DCTN1: variants seen among roughly 807,000 people sequenced by gnomAD.
The protein encoded by DCTN1 is 150 kDa dynein-associated polypeptide.
Under a neutral mutation model 161.2 loss-of-function variants are expected in DCTN1, and 61 were observed. That is an observed-to-expected ratio of 0.38 (90% CI 0.31 to 0.47). DCTN1 has a LOEUF of 0.47. DCTN1 is among the 20% of genes least tolerant of loss of function. DCTN1 has a pLI of 0.99. For missense variants in DCTN1, 1,404 were observed against 1,623.7 expected, an observed-to-expected ratio of 0.86 and a Z score of 2.33; for synonymous variants, 653 against 632.4, an observed-to-expected ratio of 1.03 and a Z score of -0.49.
At chr2:74,368,262 CT>C in intron 16 of DCTN1, 131 bp from the exon 17 acceptor site, 1 of 1,256,314 alleles carries the variant, frequency 8.0e-7, no homozygotes, top group African/African-American at 1.5e-5. Flanking sequence ...AGAAATAGCT[CT>C]TACCTGGGTG....
intron 30 of DCTN1, 150 bp from the exon 31 acceptor site, chr2:74,362,291 T>C (rs892923510): frequency 2.9e-6 from 2 of 699,002 alleles, no homozygotes. Flanking sequence ...TCCAACCCCA[T>C]CCCCACACCA....
upstream of DCTN1, chr2:74,384,938 A>T (rs1675664721): frequency 2.6e-5 from 4 of 152,252 alleles, no homozygotes. Context: ...AGGTCTGCTT[A>T]CTGAGTGGTA....
rs765406142 is a variant in DCTN1 at position 74,363,160 on chromosome 2, T to C, written c.3363A>G (p.Ala1121=). The C allele has an allele frequency of 2.5e-6, 4 of 1,614,118 alleles. No individual in the cohort carries two copies. The highest frequency in any genetic ancestry group is 3.4e-6 in the Non-Finnish European group (4 of 1,180,016). ...GCAGAGGGGGCAGGGATGCCAAGGA[T>C]GCCTTCATCTGGGCTCCCTGTGGAT... ...NSILKGAQMK[A]SLASLPPLHV... is the part of the protein sequence containing the mutation. Residue 1121 remains alanine, a synonymous_variant, in exon 29 of 32, where the codon GCA becomes GCG. Coordinates refer to ENST00000628224, the MANE Select transcript of DCTN1 (RefSeq NM_004082.5).
At position 74,365,967 on chromosome 2, in the gene DCTN1, C is replaced by A. The variant is rs924086052; in HGVS notation, c.2812G>T (p.Ala938Ser). 1.2e-6 allele frequency: 2 copies of A among 1,614,136 alleles called. No individual in the cohort carries two copies. Among genetic ancestry groups the A allele is most frequent in the Non-Finnish European group, 1.7e-6 (2 of 1,180,052 alleles). ...AAALRAEITDAEGLGLKLEDR... is the reference protein window; with the variant it reads ...AAALRAEITDSEGLGLKLEDR... ...TCGAGCTTCAAACCCAGGCCTTCAG[C>A]ATCTGTGATCTCTGCACGAAGGGCA... The change falls in exon 24 of 32, where the codon GCT becomes TCT. Residue 938 changes from alanine to serine, a missense_variant. Coordinates refer to ENST00000628224, the MANE Select transcript of DCTN1 (RefSeq NM_004082.5).
intron 31 of DCTN1, among the ~76,000 whole-genome samples, 177 bp from the exon 32 acceptor site, chr2:74,361,813 G>A (rs1369334815): frequency 6.6e-6 from 1 of 152,196 alleles, no homozygotes; most frequent in Non-Finnish European, 1.5e-5. Context: ...AATCTGACAA[G>A]GGAGTTTTGA....
intron 6 of DCTN1, 127 bp from the exon 7 acceptor site, chr2:74,373,075 C>T (rs1294117859): frequency 2.4e-6 from 2 of 825,056 alleles, no homozygotes; most frequent in Non-Finnish European, 4.1e-6. Context: ...CAGTTAGCCA[C>T]CCTCCCCCCC....
At position 74,368,893 on chromosome 2, in the gene DCTN1, C is replaced by G; in HGVS notation, c.1702-13G>C. ...CCATCTCAATTGCCTGTGAGGTGAA[C>G]AGGGAGGAGGACTCTTAGCCAGAGC... On this transcript the variant is annotated splice_polypyrimidine_tract_variant and intron_variant, in intron 15 of 31. Transcript: ENST00000628224. 6.2e-7 allele frequency: 1 copy of G among 1,614,182 alleles called. No homozygotes were observed. Among genetic ancestry groups the G allele is most frequent in the Non-Finnish European group, 8.5e-7 (1 of 1,179,994 alleles).
chr2:74,390,911 A>G (rs1355870080), intron 1 of DCTN1, among the ~76,000 whole-genome samples: 1 of 152,202 alleles, frequency 6.6e-6, no homozygotes, highest in Non-Finnish European at 1.5e-5. Context: ...CCCAAGAATA[A>G]CAGTATATCC....
chr2:74,370,814 C>A lies in DCTN1; in HGVS notation c.855G>T (p.Glu285Asp). 6.2e-7 allele frequency: 1 copy of A among 1,614,242 alleles called. No homozygotes were observed. ...RLKEARKEAK[E>D]ALEAKERYME... ...TATAGCGTTCCTTTGCCTCCAGCGCCTCCTTGGCTTCCTGAGGAAGAAGTG... is the reference window on the plus strand; with the variant it reads ...TATAGCGTTCCTTTGCCTCCAGCGCATCCTTGGCTTCCTGAGGAAGAAGTG... The change falls in exon 10 of 32, where the codon GAG (glutamate) becomes GAT (aspartate). Residue 285 changes from glutamate to aspartate, a missense_variant. This residue lies in a region of DCTN1 where 67 missense variants were observed against 116.3 expected (regional missense o/e 0.58). Transcript: ENST00000628224. The surrounding 1 kb of genome is among the most constrained non-coding windows in gnomAD (Gnocchi z 4.4).
chr2:74,368,658 A>T (rs1428405845), intron 16 of DCTN1, 70 bp downstream of exon 16: 1 of 1,608,268 alleles, frequency 6.2e-7, no homozygotes. Context: ...GTCTTCACTC[A>T]GCATCTTCAA....
chr2:74,368,201 T>A, intron 16 of DCTN1, 70 bp from the exon 17 acceptor site: 1 of 1,540,538 alleles, frequency 6.5e-7, no homozygotes, highest in Non-Finnish European at 8.8e-7. Flanking sequence ...AGGAATATAG[T>A]ACTCAGAGCT....
chr2:74,370,672 C>CCACCCGCTCCTT lies in DCTN1; in HGVS notation c.985_996dup (p.Lys329_Val332dup). The stretch of plus-strand genomic sequence containing the variant: ...ATCTCTAAGTCAGTAGTGAGCTCGT[C>CCACCCGCTCCTT]CACCCGCTCCTTCAGTGCCTCCACC... On this transcript the variant is annotated inframe_insertion, in exon 10 of 32. Transcript: ENST00000628224. The surrounding 1 kb of genome is among the most constrained non-coding windows in gnomAD (Gnocchi z 4.4). The CCACCCGCTCCTT allele has an allele frequency of 6.2e-7, 1 of 1,614,228 alleles. No individual in the cohort carries two copies. Among genetic ancestry groups the CCACCCGCTCCTT allele is most frequent in the Non-Finnish European group, 8.5e-7 (1 of 1,180,058 alleles).
chr2:74,384,328 A>T (rs1157611384), upstream of DCTN1, among the ~76,000 whole-genome samples: 1 of 152,242 alleles, frequency 6.6e-6, no homozygotes, highest in Admixed American at 6.5e-5. Flanking sequence ...GCAGAGGGGC[A>T]CATCTGAATA....
intron 5 of DCTN1, chr2:74,374,563 T>C: frequency 7.4e-7 from 1 of 1,349,216 alleles, no homozygotes; most frequent in Middle Eastern, 2.9e-4. Flanking sequence ...GCCGCCGCTC[T>C]GACACAGAGG....
At chr2:74,364,691 A>G (rs192153210) in intron 26 of DCTN1, 1 of 334,798 alleles carries the variant, frequency 3.0e-6, no homozygotes, top group African/African-American at 2.1e-5. Flanking sequence ...CAGAGAAGCA[A>G]TCAAGAGCAG....
upstream of DCTN1, among the ~76,000 whole-genome samples, chr2:74,383,559 A>G (rs1360869489): frequency 8.5e-5 from 13 of 152,242 alleles, no homozygotes; most frequent in Non-Finnish European, 1.5e-4. Context: ...CCTGGCAAAG[A>G]CAGGAATAAC....
At position 74,370,632 on chromosome 2, in the gene DCTN1, A is replaced by T; in HGVS notation, c.1037T>A (p.Ile346Asn). The T allele has an allele frequency of 2.5e-6, 4 of 1,614,018 alleles. No homozygotes were observed. The highest frequency in any genetic ancestry group is 3.4e-6 in the Non-Finnish European group (4 of 1,180,000). ...TGTGGGCCCCTTACCCTTCTCTTCA[A>T]TCTCAGCCTTGAGGATCTCTAAGTC... ...TTDLEILKAE[I>N]EEKGSDGAAS... Residue 346 changes from isoleucine to asparagine, a missense_variant, in exon 10 of 32, where the codon ATT (isoleucine) becomes AAT (asparagine). Around this residue, in one of 9 missense-constraint regions of DCTN1, gnomAD observed 278 missense variants for 363.8 expected, o/e 0.76. Coordinates refer to ENST00000628224, the MANE Select transcript of DCTN1 (RefSeq NM_004082.5). The surrounding 1 kb of genome is among the most constrained non-coding windows in gnomAD (Gnocchi z 4.4).
intron 1 of DCTN1, among the ~76,000 whole-genome samples, chr2:74,387,301 C>G (rs1329091182): frequency 3.3e-5 from 5 of 152,202 alleles, no homozygotes; most frequent in Admixed American, 6.5e-5. Context: ...CTCATCTCCT[C>G]TGTCATTATT....
intron 4 of DCTN1, 32 bp downstream of exon 4, chr2:74,377,400 T>G (rs767828630): frequency 1.3e-6 from 2 of 1,593,074 alleles, no homozygotes; most frequent in African/African-American, 2.7e-5. Context: ...CCTCCCTTTA[T>G]TATTCCCCAT....
Sources: allele counts gnomAD v4.1 joint callset (sites outside exome capture counted in the v4.1 genomes callset), GRCh38; gene constraint gnomAD v4.1.1; regional missense constraint gnomAD v4.1.1; non-coding constraint Gnocchi (gnomAD v3.1); transcripts MANE v1.5; gene names NCBI Gene and HGNC (gene_info 2026-07-23, HGNC 2026-07-21).